Variants in ARID4B observed in about 807,000 individuals in gnomAD.
ARID4B encodes the protein AT-rich interaction domain 4B, also known as AT-rich interactive domain-containing protein 4B.
In ARID4B, 26 loss-of-function variants were observed where a neutral mutation model predicts 147.5. The observed-to-expected ratio is 0.18, with a 90% CI of 0.13 to 0.24. ARID4B has a LOEUF of 0.24. Among genes scored for constraint, ARID4B ranks in the 10% least tolerant of loss-of-function variants. The probability of loss-of-function intolerance (pLI) is 1.00; values close to 1 mark genes in which losing one functional copy is unlikely to be tolerated. For synonymous variants in ARID4B, 512 were observed against 507.9 expected (o/e 1.01, Z -0.11); for missense variants, 1,179 against 1,511.5 (o/e 0.78, Z 3.65).
intron 16 of ARID4B, among the ~76,000 whole-genome samples, chr1:235,218,955 T>C (rs1400644055): frequency 2.0e-5 from 3 of 147,534 alleles, no homozygotes; most frequent in Non-Finnish European, 3.0e-5. Flanking sequence ...AACCTCTGCC[T>C]CCAGGGTTCA....
intron 2 of ARID4B, among the ~76,000 whole-genome samples, chr1:235,283,371 C>T (rs1187144277): frequency 2.0e-5 from 3 of 152,144 alleles, no homozygotes; most frequent in African/African-American, 7.2e-5. Context: ...AATTCAGAAG[C>T]TAATGTTTAA....
intron 6 of ARID4B, among the ~76,000 whole-genome samples, chr1:235,251,919 T>C (rs967347011): frequency 6.6e-6 from 1 of 152,192 alleles, no homozygotes; most frequent in African/African-American, 2.4e-5. Flanking sequence ...TTTAAGGATA[T>C]GGCTTTGGTG....
intron 18 of ARID4B, among the ~76,000 whole-genome samples, chr1:235,195,654 A>G (rs1294994317): frequency 2.0e-5 from 3 of 152,170 alleles, no homozygotes; most frequent in South Asian, 2.1e-4. Flanking sequence ...GATAAAGAAG[A>G]AGAGAAAAAG....
At chr1:235,291,592 T>C (rs1422753331) in intron 2 of ARID4B, among the ~76,000 whole-genome samples, 1 of 152,034 alleles carries the variant, frequency 6.6e-6, no homozygotes, top group Non-Finnish European at 1.5e-5. Context: ...TTCCAGCACT[T>C]TGGGAGGCCG....
chr1:235,247,803 A>T (rs753309614), intron 6 of ARID4B, among the ~76,000 whole-genome samples: 2 of 152,094 alleles, frequency 1.3e-5, no homozygotes, highest in Non-Finnish European at 2.9e-5. Context: ...AGCCTGACCA[A>T]CATGGAGAAA....
At chr1:235,176,355 A>C (rs1429998547) in intron 21 of ARID4B, among the ~76,000 whole-genome samples, 3 of 149,342 alleles carry the variant, frequency 2.0e-5, no homozygotes, top group Non-Finnish European at 4.4e-5. Context: ...AAAACACTTT[A>C]AATATCCTAC....
At chr1:235,284,045 C>T (rs1032812456) in intron 2 of ARID4B, among the ~76,000 whole-genome samples, 2 of 152,126 alleles carry the variant, frequency 1.3e-5, no homozygotes, top group Non-Finnish European at 2.9e-5. Flanking sequence ...CCTCATTCTA[C>T]ATTTAAAACA....
chr1:235,257,075 T>C (rs1670031342), intron 4 of ARID4B, 85 bp downstream of exon 4: 2 of 929,104 alleles, frequency 2.2e-6, no homozygotes, highest in African/African-American at 3.3e-5. Flanking sequence ...ATCAACTCAA[T>C]AACAAAAGAG....
chr1:235,206,430 T>C (rs1422697798), intron 17 of ARID4B, among the ~76,000 whole-genome samples: 1 of 151,956 alleles, frequency 6.6e-6, no homozygotes, highest in Admixed American at 6.6e-5. Flanking sequence ...AATATCAGAA[T>C]TGTGACTCAA....
intron 11 of ARID4B, among the ~76,000 whole-genome samples, chr1:235,226,813 C>A (rs181953539): frequency 1.3e-5 from 2 of 152,060 alleles, no homozygotes; most frequent in Non-Finnish European, 2.9e-5. Flanking sequence ...CGTGAGCCAC[C>A]GCGCCCAGCC....
intron 20 of ARID4B, among the ~76,000 whole-genome samples, chr1:235,179,674 T>C (rs999981665): frequency 4.6e-5 from 7 of 152,110 alleles, no homozygotes; most frequent in Non-Finnish European, 5.9e-5. Context: ...AAGGGCAGTG[T>C]TGACTTAGTC....
At position 235,205,442 on chromosome 1, in the gene ARID4B, A is replaced by G. The variant is rs2102989218; in HGVS notation, c.1841+8327T>C. Among the ~76,000 whole-genome samples the G allele has an allele frequency of 1.3e-5, 2 of 152,330 alleles. 1 individual carries two copies. The highest frequency in any genetic ancestry group is 1.3e-4 in the Admixed American group (2 of 15,292). ...GATGAGCTCTTTATGTAACCCAAAG[A>G]GGTCACATATATCATATACAAATAT... On this transcript the variant is annotated intron_variant, in intron 17 of 23. Coordinates refer to ENST00000264183, the MANE Select transcript of ARID4B (RefSeq NM_016374.6).
At chr1:235,240,197 A>G (rs2103071205) in intron 8 of ARID4B, 116 bp downstream of exon 8, 1 of 968,640 alleles carries the variant, frequency 1.0e-6, no homozygotes, top group Non-Finnish European at 1.5e-6. Flanking sequence ...TGTGAACTAA[A>G]TAATGCTAAA....
chr1:235,315,737 C>T (rs1339901857), intron 2 of ARID4B, among the ~76,000 whole-genome samples: 1 of 152,180 alleles, frequency 6.6e-6, no homozygotes, highest in Non-Finnish European at 1.5e-5. Flanking sequence ...GAATTCTATA[C>T]TTACGTCTAA....
At chr1:235,273,282 G>A (rs1205654223) in intron 2 of ARID4B, among the ~76,000 whole-genome samples, 1 of 152,116 alleles carries the variant, frequency 6.6e-6, no homozygotes, top group Non-Finnish European at 1.5e-5. Context: ...GACCTCAGAT[G>A]ATCCGCCAGC....
At chr1:235,299,360 C>T (rs1386906751) in intron 2 of ARID4B, among the ~76,000 whole-genome samples, 2 of 152,112 alleles carry the variant, frequency 1.3e-5, no homozygotes, top group Non-Finnish European at 1.5e-5. Context: ...ATTACAGGAG[C>T]CCACCACCAC....
chr1:235,321,064 C>G (rs1056141789), intron 2 of ARID4B, among the ~76,000 whole-genome samples: 1 of 152,146 alleles, frequency 6.6e-6, no homozygotes, highest in Non-Finnish European at 1.5e-5. Flanking sequence ...ACTGCTGCAT[C>G]CTCAAAACCC....
rs779458680 is a variant in ARID4B at position 235,302,578 on chromosome 1, T to C, written c.6+24336A>G. 3.3e-5 allele frequency among the ~76,000 whole-genome samples: 5 copies of C among 152,238 alleles called. No individual in the cohort carries two copies. In the East Asian group the frequency reaches 9.6e-4, roughly 29 times the overall value. On this transcript the variant is annotated intron_variant, in intron 2 of 23. Transcript: ENST00000264183. ...CACCTGTTTCTTTTTATTTACTTAA[T>C]ACAGCTATTATAAAAGTTAAAATTA...
Position 235,234,435 on chromosome 1 carries a change from G to T in ARID4B, c.643C>A (p.Arg215=). The change falls in exon 9 of 24, where the codon CGA becomes AGA. Residue 215 remains arginine (R), a synonymous_variant. Coordinates refer to ENST00000264183, the MANE Select transcript of ARID4B (RefSeq NM_016374.6). ...TACAATTTTCCATCTTTGAAAGATC[G>T]AACAAGAATATTGTCCTTTTTTACA... ...IAVKKDNILV[R]SFKDGKFTSV... 3 of 1,604,850 alleles carry T rather than the reference G, an allele frequency of 1.9e-6. No individual in the cohort carries two copies. In the South Asian group the frequency reaches 3.3e-5, roughly 18 times the overall value.
Sources: gnomAD v4.1 joint callset for allele counts (sites outside exome capture counted in the v4.1 genomes callset) on GRCh38, gnomAD v4.1.1 for gene constraint, MANE v1.5 for transcripts, NCBI Gene and HGNC (gene_info 2026-07-23, HGNC 2026-07-21) for gene names.